GRM8: variants seen among roughly 807,000 people sequenced by gnomAD.
GRM8 encodes the protein metabotropic glutamate receptor 8.
Under a neutral mutation model 87.2 loss-of-function variants are expected in GRM8, and 47 were observed. That is an observed-to-expected ratio of 0.54 (90% CI 0.43 to 0.69). The LOEUF is 0.69. Among genes scored for constraint, GRM8 ranks in the 30% least tolerant of loss-of-function variants. GRM8 has a pLI of 0.00. For missense variants in GRM8, 1,019 were observed against 1,139.2 expected (o/e 0.89, Z 1.52); for synonymous variants, 396 against 404.5 (o/e 0.98, Z 0.25).
chr7:127,051,394 A>G (rs142181781), intron 3 of GRM8, among the ~76,000 whole-genome samples: 1,999 of 152,208 alleles, frequency 0.013, 44 homozygotes, highest in African/African-American at 0.045. Flanking sequence ...AAGTTTAAAC[A>G]AAAGAGAAAA....
At chr7:126,868,295 C>T (rs966481099) in intron 6 of GRM8, among the ~76,000 whole-genome samples, 1 of 152,190 alleles carries the variant, frequency 6.6e-6, no homozygotes, top group Non-Finnish European at 1.5e-5. Flanking sequence ...AAAGAGTGGG[C>T]CAGTGTGGAC....
chr7:126,701,035 ATGTATATATATATGTG>A, intron 7 of GRM8, among the ~76,000 whole-genome samples: 1 of 151,896 alleles, frequency 6.6e-6, no homozygotes, highest in African/African-American at 2.4e-5. Flanking sequence ...CTTTTAATAA[ATGTATATATATATGTG>A]TGTATATATA....
intron 7 of GRM8, among the ~76,000 whole-genome samples, chr7:126,712,880 T>C (rs1053166711): frequency 5.8e-4 from 89 of 152,146 alleles, no homozygotes; most frequent in African/African-American, 2.1e-3. Flanking sequence ...GAAATGCAAA[T>C]CAAAACCACA....
chr7:126,658,156 C>T lies in GRM8; in HGVS notation c.1358-48658G>A, dbSNP rs530647363. On this transcript the variant is annotated intron_variant, in intron 7 of 10. Coordinates refer to ENST00000339582, the MANE Select transcript of GRM8 (RefSeq NM_000845.3). The stretch of plus-strand genomic sequence containing the variant: ...GGCAGAAAGAACAGGTGAGATTCAG[C>T]TGAGTGAAGTTGATGGCATAACATA... Among the ~76,000 whole-genome samples the T allele has an allele frequency of 3.0e-4, 46 of 152,268 alleles. No homozygotes were observed. In the South Asian group the frequency reaches 9.1e-3, roughly 30 times the overall value.
chr7:127,043,656 C>T (rs1171745488), intron 3 of GRM8, among the ~76,000 whole-genome samples: 7 of 151,980 alleles, frequency 4.6e-5, no homozygotes, highest in Admixed American at 3.3e-4. Flanking sequence ...GGAGATATAC[C>T]TAATGTTAAA....
chr7:126,643,972 G>C (rs575923522), intron 7 of GRM8, among the ~76,000 whole-genome samples: 1 of 152,354 alleles, frequency 6.6e-6, no homozygotes, highest in South Asian at 2.1e-4. Flanking sequence ...GAAGAGTCTA[G>C]TCAAATAAAA....
intron 7 of GRM8, among the ~76,000 whole-genome samples, chr7:126,768,938 A>AACAAAAAATAAAT (rs371172804): frequency 8.1e-5 from 12 of 148,062 alleles, no homozygotes; most frequent in Non-Finnish European, 1.2e-4. Context: ...AAAAAAAAAA[A>AACAAAAAATAAAT]AAATAAAGAA....
At chr7:126,842,959 C>G (rs1796407413) in intron 6 of GRM8, among the ~76,000 whole-genome samples, 1 of 151,772 alleles carries the variant, frequency 6.6e-6, no homozygotes, top group African/African-American at 2.4e-5. Flanking sequence ...CAATAGGGAA[C>G]TAATACAATT....
Position 127,236,269 on chromosome 7 carries a change from G to A in GRM8, c.510+6426C>T, listed in dbSNP as rs535220802. ...GAAAAAGAGAAAGCACATGAAAATA[G>A]CAACTCTCAAAATATAATCATGTTT... On this transcript the variant is annotated intron_variant, in intron 2 of 10. Coordinates refer to ENST00000339582, the MANE Select transcript of GRM8 (RefSeq NM_000845.3). 3.3e-5 allele frequency among the ~76,000 whole-genome samples: 5 copies of A among 152,296 alleles called. No homozygotes were observed. In the South Asian group the frequency reaches 1.0e-3, roughly 32 times the overall value.
At chr7:126,598,435 C>T (rs928766340) in intron 8 of GRM8, among the ~76,000 whole-genome samples, 2 of 152,074 alleles carry the variant, frequency 1.3e-5, no homozygotes, top group African/African-American at 4.8e-5. Context: ...TTCACCTACT[C>T]TACTGAACAG....
chr7:126,874,715 C>T (rs1799391994), intron 6 of GRM8, among the ~76,000 whole-genome samples: 2 of 152,104 alleles, frequency 1.3e-5, no homozygotes, highest in African/African-American at 2.4e-5. Flanking sequence ...TCCAAATTCC[C>T]TTGCTTCAGT....
At chr7:127,195,750 C>G (rs2116516321) in intron 2 of GRM8, among the ~76,000 whole-genome samples, 2 of 152,270 alleles carry the variant, frequency 1.3e-5, no homozygotes, top group Middle Eastern at 3.4e-3. Flanking sequence ...TCCCTCTGCT[C>G]CCACCAAACC....
At chr7:126,832,926 G>C (rs1795529926) in intron 6 of GRM8, among the ~76,000 whole-genome samples, 1 of 152,182 alleles carries the variant, frequency 6.6e-6, no homozygotes, top group Non-Finnish European at 1.5e-5. Flanking sequence ...TTCAATGACA[G>C]TTCATGAATT....
At chr7:127,036,141 C>T (rs992278705) in intron 3 of GRM8, among the ~76,000 whole-genome samples, 2 of 152,046 alleles carry the variant, frequency 1.3e-5, no homozygotes, top group Non-Finnish European at 2.9e-5. Flanking sequence ...TATCAGTTGT[C>T]CAGTGTTCTA....
chr7:127,004,916 AAG>A (rs1267827156), intron 3 of GRM8, among the ~76,000 whole-genome samples: 1 of 151,706 alleles, frequency 6.6e-6, no homozygotes, highest in African/African-American at 2.4e-5. Flanking sequence ...AAAAGAAGGA[AAG>A]AGACAATTAT....
chr7:126,843,204 T>G (rs1055792367), intron 6 of GRM8, among the ~76,000 whole-genome samples: 1 of 152,206 alleles, frequency 6.6e-6, no homozygotes, highest in South Asian at 2.1e-4. Context: ...TTTCATTTCA[T>G]GTCAGTTTTG....
At chr7:127,207,757 G>A (rs957640306) in intron 2 of GRM8, among the ~76,000 whole-genome samples, 1 of 152,048 alleles carries the variant, frequency 6.6e-6, no homozygotes, top group East Asian at 1.9e-4. Context: ...TGGTTTAGAC[G>A]CAACAACTGA....
intron 9 of GRM8, among the ~76,000 whole-genome samples, chr7:126,467,240 C>A (rs984781062): frequency 1.3e-5 from 2 of 151,270 alleles, no homozygotes; most frequent in South Asian, 2.1e-4. Context: ...TGAGAACATG[C>A]GGTGTTTGGT....
chr7:126,924,449 T>C (rs1479013641), intron 3 of GRM8, among the ~76,000 whole-genome samples: 4 of 152,208 alleles, frequency 2.6e-5, no homozygotes, highest in Non-Finnish European at 5.9e-5. Context: ...ATCTCATGGA[T>C]GTCCCAGATA....
Sources: allele counts gnomAD v4.1 joint callset (sites outside exome capture counted in the v4.1 genomes callset), GRCh38; gene constraint gnomAD v4.1.1; transcripts MANE v1.5; gene names NCBI Gene and HGNC (gene_info 2026-07-23, HGNC 2026-07-21).